Variants in SCP2 observed in about 807,000 individuals in gnomAD.
SCP2 encodes the protein sterol carrier protein 2.
A neutral mutation model predicts 71.4 loss-of-function variants in SCP2; 48 were observed. That is an observed-to-expected ratio of 0.67 (90% CI 0.53 to 0.86). SCP2 has a LOEUF of 0.86. Among genes scored for constraint, SCP2 ranks in the 40% least tolerant of loss-of-function variants. The pLI, the probability that SCP2 is intolerant of heterozygous loss-of-function variation, is 0.00. For synonymous variants in SCP2, 220 were observed against 218.1 expected (o/e 1.01, Z -0.08); for missense variants, 560 against 655.6 (o/e 0.85, Z 1.59).
chr1:53,022,635 CTTT>C (rs1487286303), intron 12 of SCP2, among the ~76,000 whole-genome samples: 1 of 152,154 alleles, frequency 6.6e-6, no homozygotes, highest in Admixed American at 6.5e-5. Context: ...ACATGTACTT[CTTT>C]GTTTAATCCT....
At chr1:52,943,891 AC>A (rs1391370091) in intron 2 of SCP2, 7 of 446,014 alleles carry the variant, frequency 1.6e-5, no homozygotes, top group Non-Finnish European at 3.1e-5. Context: ...TGGATGCTTT[AC>A]CAGTGGTTCA....
At chr1:53,013,793 G>A (rs1661138886) in intron 11 of SCP2, among the ~76,000 whole-genome samples, 1 of 151,500 alleles carries the variant, frequency 6.6e-6, no homozygotes, top group Non-Finnish European at 1.5e-5. Flanking sequence ...CAGGTACTCA[G>A]GAATTGGAAG....
intron 11 of SCP2, among the ~76,000 whole-genome samples, chr1:52,991,827 A>G (rs1659536182): frequency 6.6e-6 from 1 of 152,172 alleles, no homozygotes; most frequent in Non-Finnish European, 1.5e-5. Context: ...AAGCTATACA[A>G]GGGTATGCTC....
At chr1:52,961,736 A>G in intron 6 of SCP2, 107 bp downstream of exon 6, 1 of 1,000,166 alleles carries the variant, frequency 1.0e-6, no homozygotes, top group Non-Finnish European at 1.5e-6. Flanking sequence ...GATATATAAG[A>G]TGTAAAATGT....
chr1:52,953,171 A>T (rs1001064541), intron 4 of SCP2, among the ~76,000 whole-genome samples: 3 of 145,590 alleles, frequency 2.1e-5, no homozygotes, highest in African/African-American at 7.7e-5. Flanking sequence ...TTCTTTTGAG[A>T]TTTTCACTGG....
In SCP2 at chr1:53,013,882, C is replaced by CTTT. The variant is rs71044449; in HGVS notation, c.1082-979_1082-977dup. Among the ~76,000 whole-genome samples, 567 of 63,100 alleles carry CTTT rather than the reference C, an allele frequency of 9.0e-3. 66 individuals carry two copies. The highest frequency in any genetic ancestry group is 0.02 in the East Asian group (32 of 1,570). The allele number at this position is 63,100 out of a possible 152,430, so 41.4% of individuals were successfully genotyped here. On this transcript the variant is annotated intron_variant, in intron 11 of 15. Transcript: ENST00000371514. ...GACCAGTCTGCCCTGATAGAACATT[C>CTTT]TTTTTTTTTTTTTTTTTTTTTTTTT...
At chr1:53,000,377 G>C (rs1306112480) in intron 11 of SCP2, among the ~76,000 whole-genome samples, 1 of 152,082 alleles carries the variant, frequency 6.6e-6, no homozygotes, top group South Asian at 2.1e-4. Context: ...AAGTGCCTTT[G>C]AGATAAAGCT....
In SCP2 at chr1:53,007,084, T is replaced by A. The variant is rs138745098; in HGVS notation, c.1082-7806T>A. On this transcript the variant is annotated intron_variant, in intron 11 of 15. Transcript: ENST00000371514. Reference sequence around the variant, plus strand: ...TCAATTCAACAAGAAGAGATAACTATCCTAAATATATATTCACCCAATACA... The same window carrying A: ...TCAATTCAACAAGAAGAGATAACTAACCTAAATATATATTCACCCAATACA... Among the ~76,000 whole-genome samples, 894 of 152,262 alleles carry A rather than the reference T, an allele frequency of 5.9e-3. 8 individuals carry two copies. Among genetic ancestry groups the A allele is most frequent in the African/African-American group, 0.021 (865 of 41,552 alleles).
At chr1:53,045,253 A>T (rs7519017) in intron 14 of SCP2, among the ~76,000 whole-genome samples, 1 of 152,154 alleles carries the variant, frequency 6.6e-6, no homozygotes, top group Non-Finnish European at 1.5e-5. Flanking sequence ...CATTATTTCA[A>T]ATCCTATCAC....
chr1:53,007,181 G>C (rs548700068), intron 11 of SCP2, among the ~76,000 whole-genome samples: 1 of 152,132 alleles, frequency 6.6e-6, no homozygotes, highest in Non-Finnish European at 1.5e-5. Context: ...CAATAATAAT[G>C]GGAGACTTTA....
At chr1:53,037,929 C>CACACAG (rs1557627796) in intron 13 of SCP2, among the ~76,000 whole-genome samples, 1 of 120,724 alleles carries the variant, frequency 8.3e-6, no homozygotes, top group South Asian at 3.0e-4. Flanking sequence ...CACACACACA[C>CACACAG]AGATCCAGAT....
At chr1:53,030,064 T>C (rs990697598) in intron 13 of SCP2, among the ~76,000 whole-genome samples, 2 of 152,102 alleles carry the variant, frequency 1.3e-5, no homozygotes, top group Admixed American at 1.3e-4. Flanking sequence ...AATTTTTGTA[T>C]TTTTAGTAGA....
At chr1:52,962,088 A>T (rs908537402) in intron 6 of SCP2, among the ~76,000 whole-genome samples, 1 of 152,092 alleles carries the variant, frequency 6.6e-6, no homozygotes, top group East Asian at 1.9e-4. Context: ...TTTTTGGTAG[A>T]GGTGGCTTTT....
chr1:53,049,359 A>G (rs966150137), intron 15 of SCP2: 4 of 152,230 alleles, frequency 2.6e-5, no homozygotes, highest in African/African-American at 9.6e-5. Flanking sequence ...AGACCTTTCT[A>G]TTAATGTGCT....
At chr1:52,931,091 C>G (rs1466234227) in intron 1 of SCP2, among the ~76,000 whole-genome samples, 1 of 152,132 alleles carries the variant, frequency 6.6e-6, no homozygotes, top group African/African-American at 2.4e-5. Context: ...CCATATCCCA[C>G]TAAAGCAACA....
intron 14 of SCP2, among the ~76,000 whole-genome samples, chr1:53,041,879 C>A (rs2150268365): frequency 6.6e-6 from 1 of 152,250 alleles, no homozygotes; most frequent in African/African-American, 2.4e-5. Flanking sequence ...ACTTCTTTCT[C>A]TGCAAGGGTA....
chr1:53,035,482 A>G (rs1662860495), intron 13 of SCP2, among the ~76,000 whole-genome samples: 1 of 152,210 alleles, frequency 6.6e-6, no homozygotes, highest in Admixed American at 6.5e-5. Flanking sequence ...TATTGTGAAG[A>G]TACTACCTCT....
intron 11 of SCP2, among the ~76,000 whole-genome samples, chr1:52,999,772 C>A: frequency 6.7e-6 from 1 of 148,518 alleles, no homozygotes; most frequent in East Asian, 2.0e-4. Flanking sequence ...TTCCAGTTTT[C>A]AAAGTGCTTT....
intron 11 of SCP2, among the ~76,000 whole-genome samples, chr1:52,990,197 A>C: frequency 6.6e-6 from 1 of 152,200 alleles, no homozygotes. Flanking sequence ...CAACAACAAC[A>C]ACAACAAACT....
Sources: gnomAD v4.1 joint callset for allele counts (sites outside exome capture counted in the v4.1 genomes callset) on GRCh38, gnomAD v4.1.1 for gene constraint, MANE v1.5 for transcripts, NCBI Gene and HGNC (gene_info 2026-07-23, HGNC 2026-07-21) for gene names.